Variants in SPTBN1 observed in about 807,000 individuals in gnomAD.
SPTBN1 encodes spectrin beta, non-erythrocytic 1, also known as spectrin beta chain, non-erythrocytic 1.
In SPTBN1, 32 loss-of-function variants were observed where a neutral mutation model predicts 266.4. The ratio of observed to expected loss-of-function variants is 0.12; its 90% confidence interval spans 0.09 to 0.16. The LOEUF is 0.16. Among genes scored for constraint, SPTBN1 ranks in the 10% least tolerant of loss-of-function variants. SPTBN1 has a pLI of 1.00. For missense variants in SPTBN1, 2,296 were observed against 3,067.1 expected, an observed-to-expected ratio of 0.75 and a Z score of 5.94; for synonymous variants, 1,336 against 1,162.2, an observed-to-expected ratio of 1.15 and a Z score of -3.04.
intron 2 of SPTBN1, among the ~76,000 whole-genome samples, chr2:54,547,960 G>A (rs563909844): frequency 3.3e-5 from 5 of 151,922 alleles, no homozygotes; most frequent in South Asian, 2.1e-4. Context: ...TGGCTAACAC[G>A]GTGAAACCCC....
At chr2:54,466,692 A>AT (rs894278567) in intron 1 of SPTBN1, among the ~76,000 whole-genome samples, 12 of 148,156 alleles carry the variant, frequency 8.1e-5, no homozygotes, top group Admixed American at 6.2e-4. Flanking sequence ...ATCTCTGTAT[A>AT]TTTTTTTCTC....
intron 2 of SPTBN1, among the ~76,000 whole-genome samples, chr2:54,579,339 C>T (rs1317972430): frequency 6.6e-6 from 1 of 152,124 alleles, no homozygotes; most frequent in Non-Finnish European, 1.5e-5. Context: ...TTATCAACTA[C>T]CATTTTTTGG....
Position 54,628,903 on chromosome 2 carries a change from C to T in SPTBN1, c.1799-30C>T. 1 of 1,547,610 alleles carries T rather than the reference C, an allele frequency of 6.5e-7. No homozygotes were observed. The highest frequency in any genetic ancestry group is 2.3e-5 in the East Asian group (1 of 44,368). ...TGCACCCATGCTGAGCTCCCTCACACAGCCACGTTCCTTCCTTGATGTTAA... is the reference window on the plus strand; with the variant it reads ...TGCACCCATGCTGAGCTCCCTCACATAGCCACGTTCCTTCCTTGATGTTAA... On this transcript the variant is annotated intron_variant, in intron 13 of 35. Transcript: ENST00000356805. The surrounding 1 kb of genome is among the most constrained non-coding windows in gnomAD (Gnocchi z 4.3).
In SPTBN1 at chr2:54,653,999, G is replaced by A; in HGVS notation, c.5822+146G>A. 1.6e-6 allele frequency: 2 copies of A among 1,239,780 alleles called. No individual in the cohort carries two copies. Among genetic ancestry groups the A allele is most frequent in the South Asian group, 1.6e-5 (1 of 63,202 alleles). 76.8% of individuals were successfully genotyped at this position (1,239,780 alleles called of 1,614,324 possible). ...GGGGTGGGGCGGTGCTTGGAGTGCG[G>A]CACCACTGCTTGCCTCGTGCACTTG... On this transcript the variant is annotated intron_variant, in intron 27 of 35. Coordinates refer to ENST00000356805, the MANE Select transcript of SPTBN1 (RefSeq NM_003128.3). The surrounding 1 kb of genome is among the most constrained non-coding windows in gnomAD (Gnocchi z 5.1).
chr2:54,595,125 C>T (rs1162855054), intron 2 of SPTBN1, among the ~76,000 whole-genome samples: 1 of 152,162 alleles, frequency 6.6e-6, no homozygotes, highest in East Asian at 1.9e-4. Context: ...AGCCACTGCA[C>T]CTGGCCAATT....
chr2:54,662,232 A>G (rs1048672398), intron 32 of SPTBN1: 85 of 985,244 alleles, frequency 8.6e-5, no homozygotes, highest in Non-Finnish European at 1.0e-4. Flanking sequence ...ATTGCTTTTG[A>G]TGTGTGTCTC....
At chr2:54,618,656 G>A (rs929958968) in intron 7 of SPTBN1, among the ~76,000 whole-genome samples, 2 of 152,224 alleles carry the variant, frequency 1.3e-5, no homozygotes, top group Non-Finnish European at 2.9e-5. Flanking sequence ...AATACTTGTT[G>A]GCTGACATTT....
At chr2:54,538,349 T>G (rs1344930438) in intron 2 of SPTBN1, among the ~76,000 whole-genome samples, 1 of 152,244 alleles carries the variant, frequency 6.6e-6, no homozygotes, top group African/African-American at 2.4e-5. Flanking sequence ...AGCATCACTC[T>G]TAGAGCATGA....
chr2:54,569,119 A>C (rs1446119391), intron 2 of SPTBN1, among the ~76,000 whole-genome samples: 1 of 152,176 alleles, frequency 6.6e-6, no homozygotes, highest in Non-Finnish European at 1.5e-5. Context: ...GTAGGGGAGA[A>C]AAAACACCTG....
intron 1 of SPTBN1, among the ~76,000 whole-genome samples, chr2:54,509,415 G>C (rs1669739235): frequency 6.6e-6 from 1 of 152,176 alleles, no homozygotes; most frequent in Non-Finnish European, 1.5e-5. Flanking sequence ...GATTTTGGAA[G>C]TTATGAGAAC....
At chr2:54,472,252 C>G (rs749479735) in intron 1 of SPTBN1, among the ~76,000 whole-genome samples, 4 of 152,090 alleles carry the variant, frequency 2.6e-5, no homozygotes, top group Non-Finnish European at 5.9e-5. Flanking sequence ...TGGTCTCGAT[C>G]TCTTGACCTC....
chr2:54,465,664 A>ATATATATATATATC lies in SPTBN1; in HGVS notation c.-48+9151_-48+9152insATATATATCTATAT, dbSNP rs1293311654. ...CATATATATATATATATATATATAT[A>ATATATATATATATC]TATATCTCACACATGGGAGAGAGAG... is the stretch of plus-strand genomic sequence containing the variant. On this transcript the variant is annotated intron_variant, in intron 1 of 35. Transcript: ENST00000356805. 8.8e-5 allele frequency among the ~76,000 whole-genome samples: 12 copies of ATATATATATATATC among 135,790 alleles called. No homozygotes were observed. In the East Asian group the frequency reaches 2.3e-3, roughly 26 times the overall value. 89.1% of individuals were successfully genotyped at this position (135,790 alleles called of 152,430 possible). A position where few individuals can be genotyped will look rare whatever the true frequency, so the allele number is the denominator to read the frequency against.
At chr2:54,473,368 T>C (rs1173409476) in intron 1 of SPTBN1, among the ~76,000 whole-genome samples, 1 of 152,256 alleles carries the variant, frequency 6.6e-6, no homozygotes, top group African/African-American at 2.4e-5. Flanking sequence ...TGTATTGATC[T>C]TTTCACTTTC....
intron 1 of SPTBN1, among the ~76,000 whole-genome samples, chr2:54,497,113 G>C (rs1669010644): frequency 6.6e-6 from 1 of 152,156 alleles, no homozygotes; most frequent in African/African-American, 2.4e-5. Context: ...TGTTGGTCTG[G>C]GGCCCCCACC....
chr2:54,630,137 A>G (rs1459929010), intron 15 of SPTBN1, 108 bp downstream of exon 15: 7 of 1,397,120 alleles, frequency 5.0e-6, no homozygotes, highest in African/African-American at 1.4e-5. Flanking sequence ...GGTCATCGAC[A>G]TTGCAACACT....
chr2:54,502,058 CTG>C (rs905112230), intron 1 of SPTBN1, among the ~76,000 whole-genome samples: 3 of 152,202 alleles, frequency 2.0e-5, no homozygotes, highest in Non-Finnish European at 4.4e-5. Context: ...ATGCTAAACT[CTG>C]AGAGAGAGAG....
At chr2:54,665,698 C>T (rs988270601) in intron 33 of SPTBN1, among the ~76,000 whole-genome samples, 2 of 152,186 alleles carry the variant, frequency 1.3e-5, no homozygotes, top group African/African-American at 2.4e-5. Context: ...CAAACACTTG[C>T]CCTGTGCCCT....
At chr2:54,600,917 T>G (rs2103701359) in intron 3 of SPTBN1, among the ~76,000 whole-genome samples, 1 of 152,180 alleles carries the variant, frequency 6.6e-6, no homozygotes, top group East Asian at 1.9e-4. Flanking sequence ...AATTATTTTA[T>G]ACCAAGAAGA....
chr2:54,627,858 T>A (rs1678459100), intron 12 of SPTBN1, among the ~76,000 whole-genome samples: 1 of 148,188 alleles, frequency 6.7e-6, no homozygotes, highest in South Asian at 2.2e-4. Flanking sequence ...TAGATTTGAC[T>A]TACTTATTCC....
Sources: allele counts gnomAD v4.1 joint callset (sites outside exome capture counted in the v4.1 genomes callset), GRCh38; gene constraint gnomAD v4.1.1; non-coding constraint Gnocchi (gnomAD v3.1); transcripts MANE v1.5; gene names NCBI Gene and HGNC (gene_info 2026-07-23, HGNC 2026-07-21).